Variants in KCNIP4 observed in about 807,000 individuals in gnomAD.
KCNIP4 encodes the protein Kv channel-interacting protein 4.
KCNIP4 carries 12 observed loss-of-function variants against 34.0 expected under a neutral mutation model. The ratio of observed to expected loss-of-function variants is 0.35; its 90% CI spans 0.23 to 0.57. KCNIP4 has a LOEUF of 0.57. Ranked by LOEUF, KCNIP4 falls within the 20% of genes least tolerant of loss-of-function variation. KCNIP4 has a pLI of 0.83. For synonymous variants in KCNIP4, 124 were observed against 102.2 expected, an observed-to-expected ratio of 1.21 and a Z score of -1.29; for missense variants, 238 against 311.7, an observed-to-expected ratio of 0.76 and a Z score of 1.78.
chr4:21,001,854 A>G (rs1738168712), intron 1 of KCNIP4, among the ~76,000 whole-genome samples: 1 of 152,214 alleles, frequency 6.6e-6, no homozygotes, highest in Non-Finnish European at 1.5e-5. Flanking sequence ...TTTCTCCACC[A>G]AATGACGTTT....
At chr4:21,809,220 G>C (rs1405534979) in intron 1 of KCNIP4, among the ~76,000 whole-genome samples, 1 of 152,080 alleles carries the variant, frequency 6.6e-6, no homozygotes, top group East Asian at 1.9e-4. Context: ...GCTCAAATAG[G>C]ACAAAAAGGT....
intron 1 of KCNIP4, among the ~76,000 whole-genome samples, chr4:20,930,996 A>C (rs1730406181): frequency 1.3e-5 from 2 of 151,980 alleles, no homozygotes; most frequent in African/African-American, 4.8e-5. Flanking sequence ...TGACCCAACA[A>C]TACCTTTTTT....
intron 1 of KCNIP4, among the ~76,000 whole-genome samples, chr4:21,243,256 A>T (rs948358503): frequency 4.6e-5 from 7 of 152,302 alleles, no homozygotes; most frequent in Admixed American, 4.6e-4. Flanking sequence ...TGTGATCATC[A>T]AAGGTACAAT....
chr4:21,000,084 TC>T (rs1440607078), intron 1 of KCNIP4, among the ~76,000 whole-genome samples: 1 of 152,160 alleles, frequency 6.6e-6, no homozygotes, highest in African/African-American at 2.4e-5. Flanking sequence ...CCTTCCTACG[TC>T]CCTTGTCTTA....
intron 1 of KCNIP4, among the ~76,000 whole-genome samples, chr4:21,123,674 G>A (rs1296358049): frequency 8.6e-5 from 13 of 152,040 alleles, no homozygotes; most frequent in African/African-American, 1.5e-4. Context: ...AAATTCACAC[G>A]TTGAAGCCCT....
intron 3 of KCNIP4, among the ~76,000 whole-genome samples, chr4:20,789,127 C>T (rs917788553): frequency 6.6e-6 from 1 of 151,994 alleles, no homozygotes; most frequent in African/African-American, 2.4e-5. Flanking sequence ...TGCTATTGCC[C>T]AGAGTGGAAA....
intron 1 of KCNIP4, among the ~76,000 whole-genome samples, chr4:21,043,189 G>A (rs748758859): frequency 6.4e-4 from 98 of 152,298 alleles, no homozygotes; most frequent in Admixed American, 2.2e-3. Flanking sequence ...GTGACAACAA[G>A]GCAGTCTCTG....
chr4:21,576,370 G>A (rs943413931), intron 1 of KCNIP4, among the ~76,000 whole-genome samples: 8 of 152,126 alleles, frequency 5.3e-5, no homozygotes, highest in East Asian at 3.9e-4. Context: ...CCAAGGTCAC[G>A]TCGGCACTAA....
intron 2 of KCNIP4, among the ~76,000 whole-genome samples, chr4:20,857,948 C>T (rs1721779817): frequency 6.6e-6 from 1 of 151,946 alleles, no homozygotes; most frequent in African/African-American, 2.4e-5. Flanking sequence ...GTGGCTCACA[C>T]CTGTAATCCC....
At chr4:20,965,583 C>A (rs1330422407) in intron 1 of KCNIP4, among the ~76,000 whole-genome samples, 1 of 152,152 alleles carries the variant, frequency 6.6e-6, no homozygotes, top group Non-Finnish European at 1.5e-5. Context: ...ATATTCTGGT[C>A]TCTCTGGAGT....
At chr4:21,504,279 C>A (rs937484846) in intron 1 of KCNIP4, among the ~76,000 whole-genome samples, 1 of 151,692 alleles carries the variant, frequency 6.6e-6, no homozygotes, top group Non-Finnish European at 1.5e-5. Context: ...ACCAGCCTGG[C>A]CAACATGGTG....
At chr4:21,473,177 C>A (rs965877947) in intron 1 of KCNIP4, among the ~76,000 whole-genome samples, 1 of 152,202 alleles carries the variant, frequency 6.6e-6, no homozygotes, top group Non-Finnish European at 1.5e-5. Context: ...TACAATAGGG[C>A]AAATGTTACT....
At chr4:20,761,063 G>A (rs1046416679) in intron 3 of KCNIP4, among the ~76,000 whole-genome samples, 4 of 152,272 alleles carry the variant, frequency 2.6e-5, no homozygotes, top group South Asian at 2.1e-4. Flanking sequence ...CACAATGTGA[G>A]GGGGCCTCAT....
At chr4:21,134,219 C>T (rs1263417554) in intron 1 of KCNIP4, among the ~76,000 whole-genome samples, 1 of 152,186 alleles carries the variant, frequency 6.6e-6, no homozygotes, top group Non-Finnish European at 1.5e-5. Flanking sequence ...AACCCCTCCT[C>T]TTCCTCCTTC....
rs188409236 is a variant in KCNIP4, at chr4:20,948,403, G to T, written c.62-65694C>A. 9.2e-5 allele frequency among the ~76,000 whole-genome samples: 14 copies of T among 152,304 alleles called. 1 individual carries two copies. The East Asian group carries it at 2.3e-3, about 25-fold the overall frequency. ...TGAGTCAAATACCAGGCTGGACTTT[G>T]CAGGACCTAGAGCTCAGCCATTGCC... On this transcript the variant is annotated intron_variant, in intron 1 of 8. Coordinates refer to ENST00000382152, the MANE Select transcript of KCNIP4 (RefSeq NM_025221.6).
At chr4:21,399,415 G>A (rs888000777) in intron 1 of KCNIP4, among the ~76,000 whole-genome samples, 6 of 152,342 alleles carry the variant, frequency 3.9e-5, no homozygotes, top group Middle Eastern at 3.4e-3. Context: ...AAAGCCATTA[G>A]AGTAGAAGCC....
At chr4:21,569,335 G>C (rs12504781) in intron 1 of KCNIP4, among the ~76,000 whole-genome samples, 3 of 122,088 alleles carry the variant, frequency 2.5e-5, no homozygotes, top group Non-Finnish European at 5.2e-5. Flanking sequence ...GAAAATAATA[G>C]AAAAACTTTG....
intron 1 of KCNIP4, among the ~76,000 whole-genome samples, chr4:21,897,160 A>G (rs1727440597): frequency 6.6e-6 from 1 of 152,066 alleles, no homozygotes; most frequent in South Asian, 2.1e-4. Context: ...TATGCCCTTT[A>G]GCCACATTTC....
At chr4:21,369,601 A>AT in intron 1 of KCNIP4, among the ~76,000 whole-genome samples, 1 of 146,574 alleles carries the variant, frequency 6.8e-6, no homozygotes, top group East Asian at 2.0e-4. Flanking sequence ...TGTCTCTAAA[A>AT]ATTTTTTTAA....
Sources: allele counts gnomAD v4.1 joint callset (sites outside exome capture counted in the v4.1 genomes callset), GRCh38; gene constraint gnomAD v4.1.1; transcripts MANE v1.5; gene names NCBI Gene and HGNC (gene_info 2026-07-23, HGNC 2026-07-21).